The following PTPRD variants were observed in gnomAD, a reference collection of about 807,000 sequenced individuals.
PTPRD encodes protein tyrosine phosphatase receptor type D.
Under a neutral mutation model 214.5 loss-of-function variants are expected in PTPRD, and 34 were observed. The ratio of observed to expected loss-of-function variants is 0.16; its 90% CI spans 0.12 to 0.21. The LOEUF is 0.21. Ranked by LOEUF, PTPRD falls within the 10% of genes least tolerant of loss-of-function variation. PTPRD has a pLI of 1.00. For missense variants in PTPRD, 2,545 were observed against 2,398.7 expected, an observed-to-expected ratio of 1.06 and a Z score of -1.27; for synonymous variants, 1,128 against 845.7, an observed-to-expected ratio of 1.33 and a Z score of -5.79.
intron 11 of PTPRD, among the ~76,000 whole-genome samples, chr9:8,961,387 G>A (rs1484663574): frequency 6.6e-6 from 1 of 152,112 alleles, no homozygotes; most frequent in South Asian, 2.1e-4. Flanking sequence ...CATTTCAGTT[G>A]CAGAACATGT....
chr9:9,249,964 T>C (rs1243079009), intron 9 of PTPRD, among the ~76,000 whole-genome samples: 2 of 151,736 alleles, frequency 1.3e-5, no homozygotes, highest in African/African-American at 4.9e-5. Context: ...AGAAAAGTGT[T>C]ATTTTAAAAA....
intron 39 of PTPRD, among the ~76,000 whole-genome samples, chr9:8,372,724 C>T (rs12004352): frequency 1.3e-5 from 2 of 152,038 alleles, no homozygotes; most frequent in Non-Finnish European, 1.5e-5. Context: ...GCTTGTTGCA[C>T]TAGGCTATCC....
intron 3 of PTPRD, among the ~76,000 whole-genome samples, chr9:10,111,312 C>A (rs558633014): frequency 7.3e-6 from 1 of 136,170 alleles, no homozygotes; most frequent in Non-Finnish European, 1.5e-5. Flanking sequence ...GATCTCGGCT[C>A]ACTGCAAGCT....
At chr9:9,007,702 C>G (rs1216352166) in intron 11 of PTPRD, among the ~76,000 whole-genome samples, 4 of 145,750 alleles carry the variant, frequency 2.7e-5, no homozygotes, top group Admixed American at 1.4e-4. Flanking sequence ...TACCCTTCTC[C>G]CGTGTTTGAC....
chr9:9,581,020 T>C (rs1307255064), intron 7 of PTPRD, among the ~76,000 whole-genome samples: 1 of 152,034 alleles, frequency 6.6e-6, no homozygotes, highest in Admixed American at 6.6e-5. Flanking sequence ...GGGGAGGACA[T>C]GTGAAAGAAA....
rs796867777 is a variant in PTPRD, at chr9:10,060,803, C to CCTTTCTTTCTTT, written c.-544-27025_-544-27014dup. 3.4e-4 allele frequency among the ~76,000 whole-genome samples: 35 copies of CCTTTCTTTCTTT among 103,256 alleles called. 10 individuals carry two copies. The African/African-American group carries it at 3.5e-3, about 10-fold the overall frequency. The allele number at this position is 103,256 out of a possible 152,430, so 67.7% of individuals were successfully genotyped here. A position where few individuals can be genotyped will look rare whatever the true frequency, so the allele number is the denominator to read the frequency against. Reference sequence around the variant, plus strand: ...TTCTTTCTTTCTTTCTTTCTTTCTTCCTTTCTTTCTTTCTTTCTTTCTTTC... The same window carrying CCTTTCTTTCTTT: ...TTCTTTCTTTCTTTCTTTCTTTCTTCCTTTCTTTCTTTCTTTCTTTCTTTCTTTCTTTCTTTC... On this transcript the variant is annotated intron_variant, in intron 3 of 45. Coordinates refer to ENST00000381196, the MANE Select transcript of PTPRD (RefSeq NM_002839.4).
intron 33 of PTPRD, among the ~76,000 whole-genome samples, chr9:8,458,605 G>GA (rs1172677991): frequency 2.0e-5 from 3 of 151,948 alleles, no homozygotes; most frequent in Non-Finnish European, 4.4e-5. Flanking sequence ...TTCTCTTCTG[G>GA]AAAAAAGTGC....
chr9:9,606,434 C>T (rs1226219670), intron 7 of PTPRD, among the ~76,000 whole-genome samples: 2 of 152,002 alleles, frequency 1.3e-5, no homozygotes, highest in Non-Finnish European at 2.9e-5. Context: ...AATTAGCTTT[C>T]AGGTATTTAC....
At chr9:8,637,963 A>T (rs1410775956) in intron 12 of PTPRD, among the ~76,000 whole-genome samples, 1 of 152,330 alleles carries the variant, frequency 6.6e-6, no homozygotes, top group East Asian at 1.9e-4. Flanking sequence ...CAAAGTAAAT[A>T]AAACACTAAT....
intron 10 of PTPRD, among the ~76,000 whole-genome samples, chr9:9,113,840 A>T (rs537799100): frequency 3.1e-4 from 47 of 152,318 alleles, no homozygotes; most frequent in African/African-American, 1.1e-3. Flanking sequence ...AAATGAAAGA[A>T]AATAAAAACT....
At chr9:10,130,712 A>G (rs1315287192) in intron 3 of PTPRD, among the ~76,000 whole-genome samples, 1 of 152,198 alleles carries the variant, frequency 6.6e-6, no homozygotes, top group Non-Finnish European at 1.5e-5. Context: ...ACAAGTAATA[A>G]CACTTCTGAA....
rs529173611 is a variant in PTPRD, at chr9:8,396,864, C to CT, written c.4211-7458dup. 2.5e-3 allele frequency among the ~76,000 whole-genome samples: 385 copies of CT among 152,208 alleles called. 4 individuals carry two copies. Among genetic ancestry groups the CT allele is most frequent in the Admixed American group, 4.6e-3 (70 of 15,274 alleles). Reference sequence around the variant, plus strand: ...CCCAGGCTAAGTGCTATCTACCTTTCTATTTAAAAGAAATTAAGCTATAAA... The same window carrying CT: ...CCCAGGCTAAGTGCTATCTACCTTTCTTATTTAAAAGAAATTAAGCTATAAA... On this transcript the variant is annotated intron_variant, in intron 36 of 45. Coordinates refer to ENST00000381196, the MANE Select transcript of PTPRD (RefSeq NM_002839.4).
chr9:8,767,501 T>A (rs75006132), intron 11 of PTPRD, among the ~76,000 whole-genome samples: 1 of 152,250 alleles, frequency 6.6e-6, no homozygotes, highest in South Asian at 2.1e-4. Flanking sequence ...ACATGTACAT[T>A]TGTTGCAGCA....
At chr9:9,679,366 T>C (rs2097014368) in intron 7 of PTPRD, among the ~76,000 whole-genome samples, 1 of 151,854 alleles carries the variant, frequency 6.6e-6, no homozygotes, top group African/African-American at 2.4e-5. Context: ...CATTGTTGAA[T>C]ATATAGTCAA....
intron 11 of PTPRD, among the ~76,000 whole-genome samples, chr9:8,904,667 TA>T (rs5896276): frequency 0.019 from 2,398 of 128,770 alleles, 20 homozygotes; most frequent in East Asian, 0.038. Flanking sequence ...GGGAGACTCT[TA>T]AAAAAAAAAA....
intron 11 of PTPRD, among the ~76,000 whole-genome samples, chr9:8,781,204 A>G (rs2095680915): frequency 6.6e-6 from 1 of 152,192 alleles, no homozygotes; most frequent in African/African-American, 2.4e-5. Flanking sequence ...AGAATTTATC[A>G]TCGGCAGGGG....
intron 3 of PTPRD, among the ~76,000 whole-genome samples, chr9:10,110,558 A>G (rs1427291415): frequency 6.6e-6 from 1 of 152,234 alleles, no homozygotes; most frequent in African/African-American, 2.4e-5. Flanking sequence ...GGAAACAAAA[A>G]CATGAGAAAG....
intron 2 of PTPRD, among the ~76,000 whole-genome samples, chr9:10,593,801 T>G (rs1465832803): frequency 6.6e-6 from 1 of 151,998 alleles, no homozygotes; most frequent in Non-Finnish European, 1.5e-5. Flanking sequence ...AAACTAAGCC[T>G]ATTTGTAACC....
chr9:8,453,761 C>G (rs572780316), intron 33 of PTPRD, among the ~76,000 whole-genome samples: 1 of 152,260 alleles, frequency 6.6e-6, no homozygotes, highest in South Asian at 2.1e-4. Context: ...CCTAGACTTT[C>G]TGATTTAGTA....
Sources: gnomAD v4.1 joint callset for allele counts (sites outside exome capture counted in the v4.1 genomes callset) on GRCh38, gnomAD v4.1.1 for gene constraint, MANE v1.5 for transcripts, NCBI Gene and HGNC (gene_info 2026-07-23, HGNC 2026-07-21) for gene names.